Variants in MACROD2 observed in about 807,000 individuals in gnomAD.
The protein encoded by MACROD2 is ADP-ribose glycohydrolase MACROD2.
Under a neutral mutation model 70.4 loss-of-function variants are expected in MACROD2, and 36 were observed. That is an observed-to-expected ratio of 0.51 (90% CI 0.39 to 0.68). The LOEUF is 0.68. Among genes scored for constraint, MACROD2 ranks in the 30% least tolerant of loss-of-function variants. The pLI is 0.00. For synonymous variants in MACROD2, 172 were observed against 178.8 expected, an observed-to-expected ratio of 0.96 and a Z score of 0.30; for missense variants, 496 against 538.4, an observed-to-expected ratio of 0.92 and a Z score of 0.78.
chr20:14,656,210 A>T (rs1985966560), intron 4 of MACROD2, among the ~76,000 whole-genome samples: 1 of 152,228 alleles, frequency 6.6e-6, no homozygotes, highest in Admixed American at 6.5e-5. Flanking sequence ...CATGAAGGTC[A>T]TGAAATACTG....
At chr20:14,862,442 T>A (rs376779562) in intron 5 of MACROD2, among the ~76,000 whole-genome samples, 60 of 5,194 alleles carry the variant, frequency 0.012, no homozygotes, top group Non-Finnish European at 0.022. Context: ...TATATATAAA[T>A]ATATATATAA....
intron 8 of MACROD2, among the ~76,000 whole-genome samples, chr20:15,537,013 C>T (rs747390438): frequency 2.0e-5 from 3 of 152,080 alleles, no homozygotes; most frequent in Non-Finnish European, 2.9e-5. Flanking sequence ...GCTCAAAGGC[C>T]ACTGATATGG....
At chr20:14,528,888 G>A (rs891830753) in intron 4 of MACROD2, among the ~76,000 whole-genome samples, 3 of 152,190 alleles carry the variant, frequency 2.0e-5, no homozygotes, top group African/African-American at 4.8e-5. Flanking sequence ...CCCTATGGAG[G>A]AAGGTATATG....
At chr20:14,920,003 C>A (rs2074141892) in intron 5 of MACROD2, among the ~76,000 whole-genome samples, 1 of 152,162 alleles carries the variant, frequency 6.6e-6, no homozygotes, top group Admixed American at 6.5e-5. Context: ...AGCAGGTGAG[C>A]ACACCTGGGA....
intron 9 of MACROD2, among the ~76,000 whole-genome samples, chr20:15,866,713 A>G (rs1358319979): frequency 1.3e-5 from 2 of 152,166 alleles, no homozygotes; most frequent in Non-Finnish European, 2.9e-5. Flanking sequence ...ATCATTTTTC[A>G]GAGATGCCAT....
chr20:15,861,382 A>C (rs1180968565), intron 8 of MACROD2, among the ~76,000 whole-genome samples: 1 of 152,224 alleles, frequency 6.6e-6, no homozygotes, highest in Non-Finnish European at 1.5e-5. Context: ...GAATGAGTTG[A>C]CAATGACAGG....
chr20:15,534,316 A>G (rs909727074), intron 8 of MACROD2, among the ~76,000 whole-genome samples: 1 of 152,190 alleles, frequency 6.6e-6, no homozygotes, highest in Admixed American at 6.5e-5. Flanking sequence ...TTATGTCTCT[A>G]TGTGCAAATT....
chr20:14,120,144 C>A (rs1044878294), intron 3 of MACROD2, among the ~76,000 whole-genome samples: 2 of 124,500 alleles, frequency 1.6e-5, no homozygotes, highest in Non-Finnish European at 3.1e-5. Flanking sequence ...ACCCAGGAGG[C>A]AAAGGTTGCA....
intron 5 of MACROD2, among the ~76,000 whole-genome samples, chr20:14,985,804 A>G (rs1238511339): frequency 6.8e-6 from 1 of 147,500 alleles, no homozygotes; most frequent in Non-Finnish European, 1.5e-5. Context: ...ATATGGGGCC[A>G]GGGTCGGGGG....
intron 8 of MACROD2, among the ~76,000 whole-genome samples, chr20:15,800,779 G>A (rs913487059): frequency 1.3e-5 from 2 of 152,018 alleles, no homozygotes; most frequent in African/African-American, 4.8e-5. Flanking sequence ...TTGAGAAATC[G>A]GATGGTTGCT....
intron 8 of MACROD2, among the ~76,000 whole-genome samples, chr20:15,756,004 A>G (rs2206714): frequency 0.093 from 14,207 of 152,136 alleles, 2,251 homozygotes; most frequent in African/African-American, 0.32. Flanking sequence ...TCTTGGTCCA[A>G]TGTAGAATAG....
intron 8 of MACROD2, among the ~76,000 whole-genome samples, chr20:15,678,438 C>A (rs1460528092): frequency 6.6e-6 from 1 of 151,806 alleles, no homozygotes; most frequent in Non-Finnish European, 1.5e-5. Context: ...CGGCTCACTG[C>A]AAGCTCTGCC....
At chr20:14,438,271 A>G (rs963457783) in intron 3 of MACROD2, among the ~76,000 whole-genome samples, 3 of 152,174 alleles carry the variant, frequency 2.0e-5, no homozygotes, top group Admixed American at 6.5e-5. Context: ...AGGCAGAATA[A>G]TATTCAATTG....
At chr20:14,214,944 T>C (rs2081602859) in intron 3 of MACROD2, among the ~76,000 whole-genome samples, 1 of 151,654 alleles carries the variant, frequency 6.6e-6, no homozygotes, top group Admixed American at 6.6e-5. Context: ...CATTCCTTTT[T>C]ATGGCTGCCT....
At chr20:15,788,651 G>T (rs1014668485) in intron 8 of MACROD2, among the ~76,000 whole-genome samples, 1 of 152,126 alleles carries the variant, frequency 6.6e-6, no homozygotes, top group Non-Finnish European at 1.5e-5. Context: ...TGAAGGAAAA[G>T]ATATGCATTA....
At chr20:14,183,058 A>ACAAATAGGTAT (rs2081317278) in intron 3 of MACROD2, among the ~76,000 whole-genome samples, 1 of 147,712 alleles carries the variant, frequency 6.8e-6, no homozygotes, top group South Asian at 2.2e-4. Flanking sequence ...TACCTATGTA[A>ACAAATAGGTAT]CCTATTTGTT....
rs139633983 is a variant in MACROD2, at chr20:15,440,513, G to A, written c.571+9078G>A. Among the ~76,000 whole-genome samples the A allele has an allele frequency of 2.0e-3, 310 of 152,252 alleles. 1 individual carries two copies. Among genetic ancestry groups the A allele is most frequent in the Non-Finnish European group, 3.4e-3 (233 of 68,022 alleles). On this transcript the variant is annotated intron_variant, in intron 7 of 17. Coordinates refer to ENST00000684519, the MANE Select transcript of MACROD2 (RefSeq NM_001351661.2). ...TCTAACTGGTAAAAAGGAGACCAGC[G>A]CAATGTTATGTTAACCTTGTATCTA...
chr20:15,162,912 A>G (rs1175778035), intron 5 of MACROD2, among the ~76,000 whole-genome samples: 3 of 152,128 alleles, frequency 2.0e-5, no homozygotes, highest in African/African-American at 7.2e-5. Context: ...AGTGTAAATA[A>G]ACATGACTGT....
At chr20:15,441,550 C>G (rs1035771888) in intron 7 of MACROD2, among the ~76,000 whole-genome samples, 6 of 152,032 alleles carry the variant, frequency 3.9e-5, no homozygotes, top group African/African-American at 1.4e-4. Flanking sequence ...AAGTGTTTCA[C>G]TATGCAATAT....
Sources: allele counts gnomAD v4.1 joint callset (sites outside exome capture counted in the v4.1 genomes callset), GRCh38; gene constraint gnomAD v4.1.1; transcripts MANE v1.5; gene names NCBI Gene and HGNC (gene_info 2026-07-23, HGNC 2026-07-21).